CLASP1: variants seen among roughly 807,000 people sequenced by gnomAD.
CLASP1 encodes the protein CLIP-associating protein 1.
A neutral mutation model predicts 192.3 loss-of-function variants in CLASP1; 38 were observed. The ratio of observed to expected loss-of-function variants is 0.20; its 90% CI spans 0.15 to 0.26. CLASP1 has a LOEUF of 0.26. CLASP1 is among the 10% of genes least tolerant of loss of function. CLASP1 has a pLI of 1.00. For missense variants in CLASP1, 1,433 were observed against 1,932.5 expected, an observed-to-expected ratio of 0.74 and a Z score of 4.85; for synonymous variants, 691 against 712.8, an observed-to-expected ratio of 0.97 and a Z score of 0.49.
chr2:121,343,126 C>T (rs548685996), intron 39 of CLASP1, among the ~76,000 whole-genome samples: 2 of 152,094 alleles, frequency 1.3e-5, no homozygotes, highest in South Asian at 4.1e-4. Context: ...GATAAGAAAT[C>T]GCCATCAGGT....
intron 1 of CLASP1, among the ~76,000 whole-genome samples, chr2:121,623,708 C>T (rs990131149): frequency 9.2e-5 from 14 of 152,024 alleles, no homozygotes; most frequent in Non-Finnish European, 4.4e-5. Context: ...AATCTCTTTA[C>T]TTTATTGGTC....
chr2:121,581,584 TTAAG>T (rs1172420289), intron 2 of CLASP1, among the ~76,000 whole-genome samples: 4 of 152,146 alleles, frequency 2.6e-5, no homozygotes, highest in African/African-American at 9.7e-5. Context: ...CCTTTTGTTC[TTAAG>T]TAAGAAATAA....
intron 1 of CLASP1, among the ~76,000 whole-genome samples, chr2:121,648,800 G>A (rs574809901): frequency 2.0e-5 from 3 of 152,332 alleles, no homozygotes; most frequent in African/African-American, 7.2e-5. Flanking sequence ...GGAACCAAGG[G>A]GACCTTGTGC....
chr2:121,595,256 T>C (rs1042666099), intron 2 of CLASP1, among the ~76,000 whole-genome samples: 17 of 152,232 alleles, frequency 1.1e-4, no homozygotes, highest in Non-Finnish European at 2.5e-4. Flanking sequence ...CGGGCAAGTT[T>C]CTTCAGTGTC....
chr2:121,388,376 A>G (rs898557088), intron 30 of CLASP1, among the ~76,000 whole-genome samples: 10 of 152,206 alleles, frequency 6.6e-5, no homozygotes, highest in African/African-American at 2.2e-4. Flanking sequence ...ACATGAGAAA[A>G]CGAGTATAAA....
At chr2:121,341,956 A>G (rs1028690164) in intron 39 of CLASP1, among the ~76,000 whole-genome samples, 1 of 152,230 alleles carries the variant, frequency 6.6e-6, no homozygotes, top group African/African-American at 2.4e-5. Flanking sequence ...ATAGATTTAA[A>G]AAGATACCAA....
intron 2 of CLASP1, among the ~76,000 whole-genome samples, chr2:121,584,812 T>C (rs1401666291): frequency 6.6e-6 from 1 of 152,126 alleles, no homozygotes; most frequent in Non-Finnish European, 1.5e-5. Flanking sequence ...AAACTGTTTA[T>C]CCCTCTGTGG....
chr2:121,572,531 A>G (rs1471796282), intron 2 of CLASP1, among the ~76,000 whole-genome samples: 1 of 152,206 alleles, frequency 6.6e-6, no homozygotes, highest in Non-Finnish European at 1.5e-5. Flanking sequence ...TTCAGAGAAA[A>G]AAACTACTAA....
chr2:121,368,448 T>A (rs893354289), intron 34 of CLASP1, among the ~76,000 whole-genome samples: 2 of 147,260 alleles, frequency 1.4e-5, no homozygotes, highest in Admixed American at 6.8e-5. Flanking sequence ...ATTTCCCAAA[T>A]TTTTTTTTTT....
At chr2:121,642,748 A>G (rs2072385305) in intron 1 of CLASP1, among the ~76,000 whole-genome samples, 1 of 152,198 alleles carries the variant, frequency 6.6e-6, no homozygotes, top group South Asian at 2.1e-4. Flanking sequence ...AATCTCAAAC[A>G]GTTTACCAAA....
rs112250199 is a variant in CLASP1, at chr2:121,597,056, C to G, written c.195+8645G>C. Among the ~76,000 whole-genome samples, 4 of 152,274 alleles carry G rather than the reference C, an allele frequency of 2.6e-5. No individual in the cohort carries two copies. The East Asian group carries it at 7.7e-4, about 29-fold the overall frequency. ...GACAGCTTAGACACTGGGCCGGGAC[C>G]GTACCCAGTTTTTCCCTACTGTGTA... On this transcript the variant is annotated intron_variant, in intron 2 of 39. Coordinates refer to ENST00000263710, the Ensembl canonical transcript of CLASP1.
chr2:121,461,223 T>C (rs1036074313), intron 10 of CLASP1, 30 bp from the exon 11 acceptor site: 3 of 1,214,758 alleles, frequency 2.5e-6, no homozygotes, highest in South Asian at 1.3e-5. Flanking sequence ...ACAATCAATA[T>C]AAAAACATGC....
intron 28 of CLASP1, among the ~76,000 whole-genome samples, chr2:121,399,425 C>T (rs2075813671): frequency 1.3e-5 from 2 of 152,096 alleles, no homozygotes; most frequent in Admixed American, 1.3e-4. Context: ...CTTCTTCTGG[C>T]AGCATGGGGT....
At chr2:121,409,953 G>C (rs1160951167) in intron 24 of CLASP1, among the ~76,000 whole-genome samples, 4 of 152,138 alleles carry the variant, frequency 2.6e-5, no homozygotes, top group Non-Finnish European at 4.4e-5. Context: ...TGACTGAGCA[G>C]GAATAAATGA....
exon 40 of CLASP1, chr2:121,337,954 C>G (rs1127855): frequency 1.8e-5 from 2 of 114,282 alleles, no homozygotes; most frequent in Admixed American, 9.2e-5. Context: ...CCCCCCCCCC[C>G]AAAAAAACCC....
chr2:121,392,534 C>A (rs1024788205), intron 30 of CLASP1, among the ~76,000 whole-genome samples: 1 of 152,160 alleles, frequency 6.6e-6, no homozygotes, highest in African/African-American at 2.4e-5. Flanking sequence ...CCTCAGCCTC[C>A]CATGAGGCTG....
At chr2:121,375,458 G>A (rs2069855928) in intron 34 of CLASP1, among the ~76,000 whole-genome samples, 1 of 149,100 alleles carries the variant, frequency 6.7e-6, no homozygotes, top group South Asian at 2.1e-4. Flanking sequence ...CTGCATCCCA[G>A]GTTCAGGCAA....
intron 2 of CLASP1, among the ~76,000 whole-genome samples, chr2:121,547,628 C>T (rs958760883): frequency 1.3e-5 from 2 of 152,080 alleles, no homozygotes; most frequent in African/African-American, 4.8e-5. Context: ...ATGGGCAGCT[C>T]GGGAATGCCA....
In CLASP1 at chr2:121,357,651, C is replaced by T. The variant is rs1299684342; in HGVS notation, c.4206+5521G>A. ...TCAGCGAGGCAGAACTACTCCCCTA[C>T]CTATGAATAACAGCAGGAGCAGCCG... On this transcript the variant is annotated intron_variant, in intron 37 of 39. Coordinates refer to ENST00000263710, the Ensembl canonical transcript of CLASP1. Among the ~76,000 whole-genome samples, 13 of 152,338 alleles carry T rather than the reference C, an allele frequency of 8.5e-5. No homozygotes were observed. In the East Asian group the frequency reaches 2.3e-3, roughly 27 times the overall value.
Sources: allele counts gnomAD v4.1 joint callset (sites outside exome capture counted in the v4.1 genomes callset), GRCh38; gene constraint gnomAD v4.1.1; transcripts MANE v1.5; gene names NCBI Gene and HGNC (gene_info 2026-07-23, HGNC 2026-07-21).